SCUBE1: variants seen among roughly 807,000 people sequenced by gnomAD.
SCUBE1 encodes the protein signal peptide, CUB domain and EGF like domain containing 1.
Under a neutral mutation model 124.4 loss-of-function variants are expected in SCUBE1, and 59 were observed. The observed-to-expected ratio is 0.47, with a 90% CI of 0.38 to 0.59. The LOEUF is 0.59. Ranked by LOEUF, SCUBE1 falls within the 20% of genes least tolerant of loss-of-function variation. The pLI, the probability that SCUBE1 is intolerant of heterozygous loss-of-function variation, is 0.00. For synonymous variants in SCUBE1, 545 were observed against 550.9 expected, an observed-to-expected ratio of 0.99 and a Z score of 0.15; for missense variants, 1,150 against 1,371.2, an observed-to-expected ratio of 0.84 and a Z score of 2.55.
Position 43,339,203 on chromosome 22 carries a change from TGCCCTCTGA to T in SCUBE1, c.112_120del (p.Ser38_Gly40del). On this transcript the variant is annotated inframe_deletion, in exon 2 of 22. Coordinates refer to ENST00000360835, the MANE Select transcript of SCUBE1 (RefSeq NM_173050.5). ...ATGGCATCGATGTGGCAGTCATCTGTGCCCTCTGAGCACTCATCCACGTCGACTGACCCT... is the reference window on the plus strand; with the variant it reads ...ATGGCATCGATGTGGCAGTCATCTGTGCACTCATCCACGTCGACTGACCCT... 6.2e-7 allele frequency: 1 copy of T among 1,613,790 alleles called. No homozygotes were observed. The highest frequency in any genetic ancestry group is 8.5e-7 in the Non-Finnish European group (1 of 1,179,766).
At position 43,201,878 on chromosome 22, in the gene SCUBE1, G is replaced by C. The variant is rs147526066; in HGVS notation, c.*2119C>G. On this transcript the variant is annotated 3_prime_UTR_variant, in exon 22 of 22. Transcript: ENST00000360835. Reference sequence around the variant, plus strand: ...AGGAGCTGTTGCTGCAGGCTCACTCGGCAGGATGCTCGCCTCTCATCTTGG... The same window carrying C: ...AGGAGCTGTTGCTGCAGGCTCACTCCGCAGGATGCTCGCCTCTCATCTTGG... 2.6e-5 allele frequency: 4 copies of C among 152,330 alleles called. No individual in the cohort carries two copies. In the South Asian group the frequency reaches 6.2e-4, roughly 24 times the overall value. The allele number at this position is 152,330 out of a possible 1,614,324, so 9.4% of individuals were successfully genotyped here. A position where few individuals can be genotyped will look rare whatever the true frequency, so the allele number is the denominator to read the frequency against.
intron 2 of SCUBE1, among the ~76,000 whole-genome samples, chr22:43,327,729 G>A (rs1482788339): frequency 6.6e-6 from 1 of 152,146 alleles, no homozygotes. Context: ...GGAGGTTGCA[G>A]TGAGCCGAGA....
intron 4 of SCUBE1, among the ~76,000 whole-genome samples, chr22:43,280,602 C>T (rs1451629290): frequency 1.3e-5 from 2 of 151,240 alleles, no homozygotes; most frequent in African/African-American, 4.9e-5. Context: ...CTCCTGCTAC[C>T]TTTCCCCTGC....
intron 4 of SCUBE1, among the ~76,000 whole-genome samples, chr22:43,274,902 G>A (rs1370867837): frequency 6.6e-6 from 1 of 152,214 alleles, no homozygotes; most frequent in Non-Finnish European, 1.5e-5. Flanking sequence ...GACAAAAGGG[G>A]CTCATGGGCT....
intron 3 of SCUBE1, among the ~76,000 whole-genome samples, chr22:43,303,116 C>T (rs1210085818): frequency 6.6e-6 from 1 of 152,246 alleles, no homozygotes; most frequent in Non-Finnish European, 1.5e-5. Context: ...TCGGTACCGT[C>T]GGAATTCTAA....
chr22:43,273,439 C>T (rs1207817863), intron 4 of SCUBE1, among the ~76,000 whole-genome samples: 2 of 152,166 alleles, frequency 1.3e-5, no homozygotes, highest in Admixed American at 6.5e-5. Context: ...GGTTGGGCAA[C>T]ACCGAGGTGG....
At chr22:43,239,160 A>G (rs1461488695) in intron 6 of SCUBE1, 2 of 595,758 alleles carry the variant, frequency 3.4e-6, no homozygotes, top group African/African-American at 3.7e-5. Context: ...GGGGAATGAC[A>G]CCATTCCTGT....
intron 14 of SCUBE1, 63 bp from the exon 15 acceptor site, chr22:43,218,521 G>A: frequency 6.4e-7 from 1 of 1,556,114 alleles, no homozygotes; most frequent in Non-Finnish European, 8.8e-7. Flanking sequence ...TGCCTTCTTA[G>A]CTGAGGGCTC....
intron 2 of SCUBE1, among the ~76,000 whole-genome samples, chr22:43,323,349 A>G (rs543506466): frequency 1.3e-5 from 2 of 152,044 alleles, no homozygotes; most frequent in South Asian, 4.2e-4. Flanking sequence ...ACTCACCCTC[A>G]ACCTATCCAT....
Position 43,218,436 on chromosome 22 carries a change from C to T in SCUBE1, c.1710G>A (p.Leu570=), listed in dbSNP as rs202194027. The T allele has an allele frequency of 8.9e-5, 144 of 1,612,506 alleles. No homozygotes were observed. In the Middle Eastern group the frequency reaches 2.5e-3, roughly 28 times the overall value. Residue 570 remains leucine, a synonymous_variant, in exon 15 of 22, where the codon TTG becomes TTA. Coordinates refer to ENST00000360835, the MANE Select transcript of SCUBE1 (RefSeq NM_173050.5). ...EASDTCEADC[L]RKRAEQSLQA... ...GCAGGCTCTGTTCTGCTCGCTTCCGCAAGCAGTCCGCTTCGCATGTGTCTG... is the reference window on the plus strand; with the variant it reads ...GCAGGCTCTGTTCTGCTCGCTTCCGTAAGCAGTCCGCTTCGCATGTGTCTG...
Position 43,258,154 on chromosome 22 carries a change from G to A in SCUBE1, c.727+65C>T. ...ACGTGGCAGGGTGCTGGCCCTGCTG[G>A]TGCACGCATGGGGGGTCGGGGGCGG... is the stretch of plus-strand genomic sequence containing the variant. On this transcript the variant is annotated intron_variant, in intron 6 of 21. Coordinates refer to ENST00000360835, the MANE Select transcript of SCUBE1 (RefSeq NM_173050.5). This position sits in a 1 kb window ranked among gnomAD's most constrained non-coding sequence, Gnocchi z 5.0. 1 of 1,093,412 alleles carries A rather than the reference G, an allele frequency of 9.1e-7. No individual in the cohort carries two copies. Among genetic ancestry groups the A allele is most frequent in the Non-Finnish European group, 1.4e-6 (1 of 716,522 alleles). 67.7% of individuals were successfully genotyped at this position (1,093,412 alleles called of 1,614,324 possible).
At chr22:43,342,674 C>A (rs1395940222) in intron 1 of SCUBE1, among the ~76,000 whole-genome samples, 2 of 152,020 alleles carry the variant, frequency 1.3e-5, no homozygotes, top group Non-Finnish European at 2.9e-5. Flanking sequence ...TCTGTCTTTT[C>A]TCCGGGCTTC....
chr22:43,259,260 C>T (rs930862313), intron 5 of SCUBE1, among the ~76,000 whole-genome samples: 2 of 152,216 alleles, frequency 1.3e-5, no homozygotes, highest in African/African-American at 2.4e-5. Flanking sequence ...GACAGCTGCA[C>T]GCCCATCATC....
chr22:43,298,620 T>C (rs1239941887), intron 3 of SCUBE1, among the ~76,000 whole-genome samples: 1 of 152,136 alleles, frequency 6.6e-6, no homozygotes, highest in African/African-American at 2.4e-5. Flanking sequence ...CTGCTGTGCA[T>C]CTCTAGGGAA....
chr22:43,201,303 C>CAAAAAAAAAAAAAAAAAAAAAA lies in SCUBE1; in HGVS notation c.*2672_*2693dup. 1 of 44,006 alleles carries CAAAAAAAAAAAAAAAAAAAAAA rather than the reference C, an allele frequency of 2.3e-5. No homozygotes were observed. The highest frequency in any genetic ancestry group is 4.1e-5 in the Non-Finnish European group (1 of 24,196). 2.7% of individuals were successfully genotyped at this position (44,006 alleles called of 1,614,324 possible). ...TGGGTGACAGAGCGAGACTCCATCT[C>CAAAAAAAAAAAAAAAAAAAAAA]AAAAAAAAAAAAAAAAAAAAAAAAG... On this transcript the variant is annotated 3_prime_UTR_variant, in exon 22 of 22. Coordinates refer to ENST00000360835, the MANE Select transcript of SCUBE1 (RefSeq NM_173050.5).
At chr22:43,290,921 T>A in intron 4 of SCUBE1, 125 bp downstream of exon 4, 1 of 1,109,752 alleles carries the variant, frequency 9.0e-7, no homozygotes, top group South Asian at 1.8e-5. Context: ...AAACAGTCAT[T>A]CAGACTACCA....
intron 4 of SCUBE1, among the ~76,000 whole-genome samples, chr22:43,287,885 C>T (rs189337048): frequency 1.4e-4 from 22 of 152,290 alleles, no homozygotes; most frequent in African/African-American, 4.6e-4. Context: ...CAGACTGAGG[C>T]TCAGAGAGGT....
intron 15 of SCUBE1, among the ~76,000 whole-genome samples, chr22:43,216,552 C>T (rs1033280061): frequency 4.6e-5 from 7 of 151,932 alleles, no homozygotes; most frequent in African/African-American, 1.4e-4. Flanking sequence ...ACTTGGGAGG[C>T]TGAGGCAGTA....
At chr22:43,279,049 G>A (rs992032034) in intron 4 of SCUBE1, among the ~76,000 whole-genome samples, 3 of 152,170 alleles carry the variant, frequency 2.0e-5, no homozygotes, top group African/African-American at 4.8e-5. Flanking sequence ...GAGGAAGCTC[G>A]AGGACCAGCC....
Sources: gnomAD v4.1 joint callset for allele counts (sites outside exome capture counted in the v4.1 genomes callset) on GRCh38, gnomAD v4.1.1 for gene constraint, Gnocchi (gnomAD v3.1) non-coding constraint, MANE v1.5 for transcripts, NCBI Gene and HGNC (gene_info 2026-07-23, HGNC 2026-07-21) for gene names.